Variants in SLC24A4 observed in about 807,000 individuals in gnomAD.
The protein encoded by SLC24A4 is sodium/potassium/calcium exchanger 4.
Under a neutral mutation model 79.0 loss-of-function variants are expected in SLC24A4, and 53 were observed. The ratio of observed to expected loss-of-function variants is 0.67; its 90% CI spans 0.54 to 0.84. The LOEUF (loss-of-function observed/expected upper bound fraction) is 0.84, where lower values mean the gene tolerates loss of function less well. Ranked by LOEUF, SLC24A4 falls within the 40% of genes least tolerant of loss-of-function variation. The probability of loss-of-function intolerance (pLI) is 0.00; values close to 1 mark genes in which losing one functional copy is unlikely to be tolerated. For synonymous variants in SLC24A4, 323 were observed against 323.8 expected (o/e 1.00, Z 0.03); for missense variants, 731 against 822.0 (o/e 0.89, Z 1.35).
chr14:92,439,251 C>A, intron 3 of SLC24A4, 84 bp from the exon 4 acceptor site: 1 of 1,176,494 alleles, frequency 8.5e-7, no homozygotes, highest in Non-Finnish European at 1.3e-6. Flanking sequence ...TCTGCCCTGG[C>A]AGCCTGGTTT....
rs1283761236 is a variant in SLC24A4 at position 92,353,541 on chromosome 14, C to T, written c.241+27563C>T. Among the ~76,000 whole-genome samples the T allele has an allele frequency of 1.3e-5, 2 of 152,166 alleles. No individual in the cohort carries two copies. The highest frequency in any genetic ancestry group is 1.9e-4 in the East Asian group (1 of 5,200). ...TCCCACCAGACATGGATGAGAGGGC[C>T]GGTTCTCCCCACCCCATGGTGTTAT... On this transcript the variant is annotated intron_variant, in intron 2 of 16. Coordinates refer to ENST00000532405, the MANE Select transcript of SLC24A4 (RefSeq NM_153646.4). This position sits in a 1 kb window ranked among gnomAD's most constrained non-coding sequence, Gnocchi z 4.1.
chr14:92,392,703 A>G (rs1030547586), intron 2 of SLC24A4, among the ~76,000 whole-genome samples: 6 of 152,230 alleles, frequency 3.9e-5, no homozygotes, highest in African/African-American at 1.4e-4. Flanking sequence ...CCAGTGTGAC[A>G]GTGTTGAGAG....
At chr14:92,421,661 T>A (rs1286005108) in intron 2 of SLC24A4, among the ~76,000 whole-genome samples, 1 of 151,936 alleles carries the variant, frequency 6.6e-6, no homozygotes, top group Admixed American at 6.6e-5. Flanking sequence ...GCACCCACCA[T>A]CATGCCCGGC....
intron 12 of SLC24A4, among the ~76,000 whole-genome samples, chr14:92,464,837 G>A (rs1894013236): frequency 1.3e-5 from 2 of 152,234 alleles, no homozygotes; most frequent in South Asian, 4.1e-4. Context: ...CATCTTAACA[G>A]TGTCTTCACA....
intron 12 of SLC24A4, among the ~76,000 whole-genome samples, chr14:92,470,737 C>T (rs1405056030): frequency 6.6e-6 from 1 of 152,068 alleles, no homozygotes; most frequent in Non-Finnish European, 1.5e-5. Flanking sequence ...GGAGAATGTC[C>T]ATCAGTATAG....
At chr14:92,324,651 T>C (rs1885020279) in intron 1 of SLC24A4, among the ~76,000 whole-genome samples, 1 of 152,256 alleles carries the variant, frequency 6.6e-6, no homozygotes, top group Non-Finnish European at 1.5e-5. Flanking sequence ...TTTAGGGGGA[T>C]GTGACCCCAT....
rs986317370 is a variant in SLC24A4, at chr14:92,491,896, T to C, written c.1650+119T>C. The stretch of plus-strand genomic sequence containing the variant: ...CCTCTCCTTGGCACTCAGACACCCA[T>C]TTTCCATGGCGGCTTCTAGAGCACC... On this transcript the variant is annotated intron_variant, in intron 15 of 16. Coordinates refer to ENST00000532405, the MANE Select transcript of SLC24A4 (RefSeq NM_153646.4). 3.0e-5 allele frequency: 24 copies of C among 800,766 alleles called. No individual in the cohort carries two copies. The African/African-American group carries it at 3.2e-4, about 11-fold the overall frequency. 49.6% of individuals were successfully genotyped at this position (800,766 alleles called of 1,614,324 possible). A position where few individuals can be genotyped will look rare whatever the true frequency, so the allele number is the denominator to read the frequency against.
In SLC24A4 at chr14:92,484,007, A is replaced by G. The variant is rs1326606204; in HGVS notation, c.1422+1161A>G. The G allele has an allele frequency of 9.1e-6, 9 of 985,234 alleles. No homozygotes were observed. The East Asian group carries it at 1.0e-3, about 112-fold the overall frequency. The allele number at this position is 985,234 out of a possible 1,614,324, so 61.0% of individuals were successfully genotyped here. On this transcript the variant is annotated intron_variant, in intron 13 of 16. Transcript: ENST00000532405. ...CTGGATCACATGAGAACAGCGCTGA[A>G]TCCTAGTCCTACCTCTTGCAAACCA...
chr14:92,454,034 C>T lies in SLC24A4; in HGVS notation c.1015C>T (p.Arg339Ter), dbSNP rs587777535. The change falls in exon 11 of 17, where the codon CGA (arginine) becomes TGA (stop). Residue 339 changes from arginine to a stop codon, truncating the protein, a stop_gained. Transcript: ENST00000532405. LOFTEE classifies it high-confidence loss of function. ...MITNKFGPRTRLRMASRIIIN... is the reference protein window; with the variant it reads ...MITNKFGPRT ...CACCAATAAGTTTGGACCCAGGACC[C>T]GACTACGGATGGCCAGCAGGATCAT... is the stretch of plus-strand genomic sequence containing the variant. 8 of 1,613,044 alleles carry T rather than the reference C, an allele frequency of 5.0e-6. No homozygotes were observed. The highest frequency in any genetic ancestry group is 4.4e-5 in the South Asian group (4 of 90,798).
Position 92,399,308 on chromosome 14 carries a change from G to A in SLC24A4, c.242-34604G>A, listed in dbSNP as rs561942759. On this transcript the variant is annotated intron_variant, in intron 2 of 16. Transcript: ENST00000532405. ...TTGATTTTGGCACCTACTACGTAGGGATAAAGATTTTCCATTTGGCATGAT... is the reference window on the plus strand; with the variant it reads ...TTGATTTTGGCACCTACTACGTAGGAATAAAGATTTTCCATTTGGCATGAT... 2.0e-5 allele frequency among the ~76,000 whole-genome samples: 3 copies of A among 152,296 alleles called. No homozygotes were observed. The South Asian group carries it at 6.2e-4, about 32-fold the overall frequency.
At chr14:92,361,911 G>A (rs974353626) in intron 2 of SLC24A4, among the ~76,000 whole-genome samples, 3 of 152,136 alleles carry the variant, frequency 2.0e-5, no homozygotes, top group African/African-American at 7.2e-5. Context: ...ACCTGGATAT[G>A]GCATCTCAAA....
chr14:92,374,834 T>G (rs1000680436), intron 2 of SLC24A4, among the ~76,000 whole-genome samples: 1 of 152,264 alleles, frequency 6.6e-6, no homozygotes, highest in African/African-American at 2.4e-5. Context: ...TTTTTGTTAA[T>G]AGATCTTTAA....
At chr14:92,471,632 A>C (rs940338501) in intron 12 of SLC24A4, among the ~76,000 whole-genome samples, 1 of 152,192 alleles carries the variant, frequency 6.6e-6, no homozygotes, top group East Asian at 1.9e-4. Context: ...TTGGATTCCC[A>C]GTACCTAGAA....
chr14:92,363,891 G>A (rs59251010), intron 2 of SLC24A4, among the ~76,000 whole-genome samples: 4,683 of 151,280 alleles, frequency 0.031, 100 homozygotes, highest in African/African-American at 0.065. Context: ...ACTGCCCCTC[G>A]CCTGGTCCCT....
At chr14:92,460,598 C>T (rs1446569841) in intron 12 of SLC24A4, among the ~76,000 whole-genome samples, 1 of 152,120 alleles carries the variant, frequency 6.6e-6, no homozygotes, top group Non-Finnish European at 1.5e-5. Flanking sequence ...CAAGATGATC[C>T]TCTCAGTCAG....
intron 4 of SLC24A4, among the ~76,000 whole-genome samples, chr14:92,440,539 G>A (rs1283356434): frequency 6.6e-6 from 1 of 152,100 alleles, no homozygotes; most frequent in Admixed American, 6.5e-5. Context: ...AGAGCTTGGG[G>A]AGGCCATAGC....
At chr14:92,474,213 G>A (rs946192014) in intron 12 of SLC24A4, among the ~76,000 whole-genome samples, 1 of 152,152 alleles carries the variant, frequency 6.6e-6, no homozygotes, top group Non-Finnish European at 1.5e-5. Context: ...TTCATTATGT[G>A]GGATTTTAAA....
chr14:92,476,184 G>A (rs560410976), intron 12 of SLC24A4, among the ~76,000 whole-genome samples: 1 of 152,270 alleles, frequency 6.6e-6, no homozygotes, highest in Middle Eastern at 3.4e-3. Context: ...TCCCTAAAGC[G>A]AATTCTTCCT....
chr14:92,442,736 G>A lies in SLC24A4; in HGVS notation c.502G>A (p.Val168Ile), dbSNP rs551321592. Residue 168 changes from valine (V) to isoleucine (I), a missense_variant, in exon 6 of 17, where the codon GTC (valine) becomes ATC (isoleucine). Transcript: ENST00000532405. ...AGGGGTGTTCATCACCCATGGGGAC[G>A]TCGGGGTGGGCACCATCGTGGGCTC... ...VIGVFITHGD[V>I]GVGTIVGSAV... The A allele has an allele frequency of 3.1e-5, 50 of 1,614,002 alleles. No homozygotes were observed. In the South Asian group the frequency reaches 4.8e-4, roughly 16 times the overall value.
Sources: allele counts gnomAD v4.1 joint callset (sites outside exome capture counted in the v4.1 genomes callset), GRCh38; gene constraint gnomAD v4.1.1; non-coding constraint Gnocchi (gnomAD v3.1); transcripts MANE v1.5; gene names NCBI Gene and HGNC (gene_info 2026-07-23, HGNC 2026-07-21).